ELAPOR2: variants seen among roughly 807,000 people sequenced by gnomAD.
ELAPOR2 encodes the protein endosome/lysosome-associated apoptosis and autophagy regulator family member 2.
Under a neutral mutation model 120.7 loss-of-function variants are expected in ELAPOR2, and 89 were observed. That is an observed-to-expected ratio of 0.74 (90% CI 0.62 to 0.88). The LOEUF (loss-of-function observed/expected upper bound fraction) is 0.88. Ranked by LOEUF, ELAPOR2 falls within the 40% of genes least tolerant of loss-of-function variation. The probability of loss-of-function intolerance (pLI) is 0.00; values close to 1 mark genes in which losing one functional copy is unlikely to be tolerated. For synonymous variants in ELAPOR2, 444 were observed against 444.9 expected (o/e 1.00, Z 0.03); for missense variants, 1,134 against 1,251.6 (o/e 0.91, Z 1.42).
chr7:86,930,014 T>G (rs1790258030), intron 8 of ELAPOR2, among the ~76,000 whole-genome samples: 1 of 151,960 alleles, frequency 6.6e-6, no homozygotes, highest in Non-Finnish European at 1.5e-5. Flanking sequence ...CATTTATAAG[T>G]TATCTGGTCT....
At chr7:86,974,006 T>C (rs775067976) in intron 1 of ELAPOR2, among the ~76,000 whole-genome samples, 13 of 152,004 alleles carry the variant, frequency 8.6e-5, no homozygotes, top group African/African-American at 1.7e-4. Context: ...CCTCTACCTC[T>C]TGAAGGGTCT....
Position 86,891,895 on chromosome 7 carries a change from T to C in ELAPOR2, c.2865-6A>G, listed in dbSNP as rs769815339. On this transcript the variant is annotated splice_polypyrimidine_tract_variant and splice_region_variant and intron_variant, in intron 20 of 21. Coordinates refer to ENST00000450689, the MANE Select transcript of ELAPOR2 (RefSeq NM_001142749.3). ...TGGAATATTTGTATTCCAGTCTAAA[T>C]AGTGATAAAATAAATAAACAAATAA... 8 of 1,548,010 alleles carry C rather than the reference T, an allele frequency of 5.2e-6. No individual in the cohort carries two copies. Among genetic ancestry groups the C allele is most frequent in the African/African-American group, 4.1e-5 (3 of 72,396 alleles).
intron 1 of ELAPOR2, among the ~76,000 whole-genome samples, chr7:86,983,022 G>A (rs566966105): frequency 1.3e-5 from 2 of 152,304 alleles, no homozygotes; most frequent in African/African-American, 2.4e-5. Context: ...ACCATGGCAC[G>A]AGAATGACGT....
rs879185161 is a variant in ELAPOR2, at chr7:86,897,762, GAA to G, written c.2559-132_2559-131del. On this transcript the variant is annotated intron_variant, in intron 18 of 21. Coordinates refer to ENST00000450689, the MANE Select transcript of ELAPOR2 (RefSeq NM_001142749.3). ...TGTGGATGCTGAAGAAACACAAGTGGAAAAAAGTCTAAAAGACACAAACCACT... is the reference window on the plus strand; with the variant it reads ...TGTGGATGCTGAAGAAACACAAGTGGAAAAGTCTAAAAGACACAAACCACT... 2.7e-5 allele frequency: 27 copies of G among 1,015,324 alleles called. 1 individual carries two copies. The South Asian group carries it at 3.9e-4, about 15-fold the overall frequency. The allele number at this position is 1,015,324 out of a possible 1,614,324, so 62.9% of individuals were successfully genotyped here. A position where few individuals can be genotyped will look rare whatever the true frequency, so the allele number is the denominator to read the frequency against.
At chr7:86,951,761 T>A (rs1791257095) in intron 2 of ELAPOR2, among the ~76,000 whole-genome samples, 1 of 152,224 alleles carries the variant, frequency 6.6e-6, no homozygotes, top group Non-Finnish European at 1.5e-5. Context: ...AACCAATCAA[T>A]ACCTAACCTT....
intron 6 of ELAPOR2, among the ~76,000 whole-genome samples, chr7:86,939,346 G>A (rs1334440279): frequency 2.0e-5 from 3 of 152,050 alleles, no homozygotes; most frequent in Non-Finnish European, 4.4e-5. Flanking sequence ...GTAAGACCTA[G>A]GAATGGCTTG....
At chr7:86,940,511 G>A (rs1020256418) in intron 5 of ELAPOR2, among the ~76,000 whole-genome samples, 7 of 151,828 alleles carry the variant, frequency 4.6e-5, no homozygotes, top group Non-Finnish European at 1.0e-4. Flanking sequence ...GAAAACAAAA[G>A]GCAACAGAAT....
chr7:86,902,140 G>T (rs1489981563), intron 18 of ELAPOR2, among the ~76,000 whole-genome samples: 1 of 151,894 alleles, frequency 6.6e-6, no homozygotes, highest in Non-Finnish European at 1.5e-5. Context: ...TGGTGGAAGG[G>T]GCTAGCTAGC....
At chr7:86,889,599 T>A (rs1219598702) in intron 21 of ELAPOR2, among the ~76,000 whole-genome samples, 1 of 151,932 alleles carries the variant, frequency 6.6e-6, no homozygotes, top group African/African-American at 2.4e-5. Context: ...CAGTAGGAGA[T>A]TTCGTCACAC....
intron 1 of ELAPOR2, among the ~76,000 whole-genome samples, chr7:87,038,731 T>G (rs1033470987): frequency 2.0e-5 from 3 of 152,058 alleles, no homozygotes; most frequent in African/African-American, 7.2e-5. Context: ...GAAAAATTCC[T>G]TGAAACAAAT....
rs929271396 is a variant in ELAPOR2 at position 86,878,887 on chromosome 7, C to G, written c.*1584G>C. On this transcript the variant is annotated 3_prime_UTR_variant, in exon 22 of 22. Transcript: ENST00000450689. ...ATATGTGCAACAGCAGAGATATACA[C>G]AAAACATTCATTCAATAATAACAGA... is the stretch of plus-strand genomic sequence containing the variant. 1 of 152,160 alleles carries G rather than the reference C, an allele frequency of 6.6e-6. No homozygotes were observed. Among genetic ancestry groups the G allele is most frequent in the Non-Finnish European group, 1.5e-5 (1 of 68,030 alleles). 9.4% of individuals were successfully genotyped at this position (152,160 alleles called of 1,614,324 possible).
chr7:86,993,960 A>T (rs1184121942), intron 1 of ELAPOR2, among the ~76,000 whole-genome samples: 1 of 152,216 alleles, frequency 6.6e-6, no homozygotes, highest in Non-Finnish European at 1.5e-5. Context: ...AATCTTTTCC[A>T]AATCAAAATC....
intron 1 of ELAPOR2, among the ~76,000 whole-genome samples, chr7:87,023,233 A>C (rs1214979577): frequency 1.3e-5 from 2 of 152,172 alleles, no homozygotes; most frequent in Non-Finnish European, 2.9e-5. Flanking sequence ...TCTTGAATTA[A>C]CTTTTGTATA....
intron 1 of ELAPOR2, among the ~76,000 whole-genome samples, chr7:86,967,408 T>A (rs895704083): frequency 3.9e-5 from 6 of 152,202 alleles, no homozygotes; most frequent in African/African-American, 1.4e-4. Context: ...TGAGCTGAGA[T>A]TGAACCACTG....
intron 10 of ELAPOR2, among the ~76,000 whole-genome samples, chr7:86,924,374 T>TACACACACAC (rs3057442): frequency 0.027 from 3,909 of 145,262 alleles, 69 homozygotes; most frequent in Non-Finnish European, 0.04. Context: ...AGTAAGTGAA[T>TACACACACAC]ACACACACAC....
At chr7:86,948,034 G>T in intron 2 of ELAPOR2, 112 bp from the exon 3 acceptor site, 1 of 721,552 alleles carries the variant, frequency 1.4e-6, no homozygotes, top group East Asian at 2.7e-5. Flanking sequence ...ACACTCAAAC[G>T]AAAGCCTTTC....
At chr7:86,979,240 T>A (rs1269201007) in intron 1 of ELAPOR2, among the ~76,000 whole-genome samples, 1 of 152,090 alleles carries the variant, frequency 6.6e-6, no homozygotes, top group Non-Finnish European at 1.5e-5. Context: ...AGTTGCCAAC[T>A]CCCCGAGAAA....
At chr7:87,035,036 A>T (rs1363404213) in intron 1 of ELAPOR2, among the ~76,000 whole-genome samples, 1 of 151,778 alleles carries the variant, frequency 6.6e-6, no homozygotes, top group Non-Finnish European at 1.5e-5. Flanking sequence ...CAGTGAGCCA[A>T]GATAGCACCA....
Position 86,897,542 on chromosome 7 carries a change from G to A in ELAPOR2, c.2649C>T (p.Phe883=). The change falls in exon 19 of 22, where the codon TTC becomes TTT. Residue 883 remains phenylalanine (F), a synonymous_variant. Coordinates refer to ENST00000450689, the MANE Select transcript of ELAPOR2 (RefSeq NM_001142749.3). ...EACPLCTEHD[F]HEIEGACKRG... is the part of the protein sequence containing the mutation. ...TCTTGCAGGCTCCCTCAATCTCATG[G>A]AAGTCATGCTCCGTACACAGAGGGC... 6.2e-6 allele frequency: 10 copies of A among 1,613,154 alleles called. No individual in the cohort carries two copies. The highest frequency in any genetic ancestry group is 7.6e-6 in the Non-Finnish European group (9 of 1,179,468).
Sources: gnomAD v4.1 joint callset for allele counts (sites outside exome capture counted in the v4.1 genomes callset) on GRCh38, gnomAD v4.1.1 for gene constraint, MANE v1.5 for transcripts, NCBI Gene and HGNC (gene_info 2026-07-23, HGNC 2026-07-21) for gene names.